TMEFF1: variants seen among roughly 807,000 people sequenced by gnomAD.
TMEFF1 encodes the protein transmembrane protein with EGF like and two follistatin like domains 1.
Under a neutral mutation model 47.5 loss-of-function variants are expected in TMEFF1, and 20 were observed. The ratio of observed to expected loss-of-function variants is 0.42; its 90% CI spans 0.30 to 0.61. The LOEUF is 0.61. Among genes scored for constraint, TMEFF1 ranks in the 20% least tolerant of loss-of-function variants. TMEFF1 has a pLI of 0.19. For synonymous variants in TMEFF1, 162 were observed against 166.3 expected, an observed-to-expected ratio of 0.97 and a Z score of 0.20; for missense variants, 411 against 471.1, an observed-to-expected ratio of 0.87 and a Z score of 1.18.
intron 8 of TMEFF1, among the ~76,000 whole-genome samples, chr9:100,566,468 T>A (rs572687361): frequency 1.4e-4 from 21 of 152,296 alleles, no homozygotes; most frequent in African/African-American, 4.6e-4. Context: ...CAACTCCATC[T>A]TTTCAGTTGC....
chr9:100,576,616 A>G lies in TMEFF1; in HGVS notation c.*16A>G, dbSNP rs1839358959. 2.5e-6 allele frequency: 4 copies of G among 1,601,302 alleles called. No individual in the cohort carries two copies. The highest frequency in any genetic ancestry group is 2.3e-5 in the South Asian group (2 of 88,032). ...AATGGTTTAAACTGATGACTTTTAT[A>G]TGTACACTGACCATGTGATGTACAT... On this transcript the variant is annotated 3_prime_UTR_variant, in exon 10 of 10. Coordinates refer to ENST00000374879, the MANE Select transcript of TMEFF1 (RefSeq NM_003692.5).
intron 5 of TMEFF1, among the ~76,000 whole-genome samples, chr9:100,539,375 G>T (rs938406867): frequency 6.6e-6 from 1 of 152,224 alleles, no homozygotes; most frequent in African/African-American, 2.4e-5. Flanking sequence ...GAATGAAGCT[G>T]TGGACCCTCG....
rs1345559995 is a variant in TMEFF1, at chr9:100,473,657, G to A, written c.113G>A (p.Arg38His). ...TTCGCCTTCTCTCTGCCCGGGAGCC[G>A]CGCGTCCAACCAGCCCCCGGGTGGT... ...LLFAFSLPGS[R>H]ASNQPPGGGG... The change falls in exon 1 of 10, where the codon CGC becomes CAC. Residue 38 changes from arginine (R) to histidine (H), a missense_variant. By Grantham distance (29) the Arg-to-His change is conservative (BLOSUM62 0). Coordinates refer to ENST00000374879, the MANE Select transcript of TMEFF1 (RefSeq NM_003692.5). The surrounding 1 kb of genome is among the most constrained non-coding windows in gnomAD (Gnocchi z 5.4). 5.8e-6 allele frequency: 9 copies of A among 1,547,968 alleles called. No individual in the cohort carries two copies. The highest frequency in any genetic ancestry group is 7.8e-6 in the Non-Finnish European group (9 of 1,146,548).
intron 7 of TMEFF1, among the ~76,000 whole-genome samples, chr9:100,550,941 TG>T (rs1357629847): frequency 1.3e-5 from 2 of 152,268 alleles, no homozygotes; most frequent in Admixed American, 6.5e-5. Context: ...CTGCTCTTTT[TG>T]CTTGTTTTCA....
chr9:100,515,151 A>C (rs987914916), intron 4 of TMEFF1, among the ~76,000 whole-genome samples: 1 of 152,116 alleles, frequency 6.6e-6, no homozygotes, highest in African/African-American at 2.4e-5. Flanking sequence ...AAACAAAACA[A>C]AACAAAAAAT....
intron 5 of TMEFF1, among the ~76,000 whole-genome samples, chr9:100,533,191 AACTAACCTGCACAATGTGCACAT>A (rs1370324961): frequency 6.6e-6 from 1 of 152,022 alleles, no homozygotes; most frequent in East Asian, 1.9e-4. Flanking sequence ...ATACATATGC[AACTAACCTGCACAATGTGCACAT>A]GTACCGTAGA....
At chr9:100,479,833 T>C (rs976509576) in intron 1 of TMEFF1, among the ~76,000 whole-genome samples, 1 of 152,244 alleles carries the variant, frequency 6.6e-6, no homozygotes, top group African/African-American at 2.4e-5. Flanking sequence ...GTAACATTCA[T>C]GGACAAGTTT....
intron 2 of TMEFF1, among the ~76,000 whole-genome samples, chr9:100,507,409 G>A (rs1215040305): frequency 1.3e-5 from 2 of 152,160 alleles, no homozygotes; most frequent in African/African-American, 4.8e-5. Flanking sequence ...TGGTAGTTCT[G>A]TTTTAAGTTC....
chr9:100,539,468 C>A (rs1368403342), intron 5 of TMEFF1, among the ~76,000 whole-genome samples: 1 of 152,114 alleles, frequency 6.6e-6, no homozygotes, highest in Non-Finnish European at 1.5e-5. Flanking sequence ...TTTCTTCCTT[C>A]TGGTGGGTTC....
intron 3 of TMEFF1, among the ~76,000 whole-genome samples, chr9:100,509,775 G>GA (rs768756484): frequency 0.2 from 20,515 of 100,362 alleles, 1,677 homozygotes; most frequent in Middle Eastern, 0.3. Flanking sequence ...CTCCATCTCA[G>GA]AAAAAAAAAA....
At chr9:100,490,836 G>GGTGTGTGTGTGTGTGTGT (rs10654628) in intron 1 of TMEFF1, among the ~76,000 whole-genome samples, 34 of 136,088 alleles carry the variant, frequency 2.5e-4, no homozygotes, top group Middle Eastern at 3.6e-3. Context: ...TTATATGTAT[G>GGTGTGTGTGTGTGTGTGT]GTGTGTGTGT....
intron 5 of TMEFF1, among the ~76,000 whole-genome samples, chr9:100,535,472 A>G (rs1319540282): frequency 1.3e-5 from 2 of 152,212 alleles, no homozygotes; most frequent in African/African-American, 4.8e-5. Flanking sequence ...ATAGGAATGT[A>G]CCAGAAAATC....
intron 1 of TMEFF1, among the ~76,000 whole-genome samples, chr9:100,483,708 C>G (rs1325489958): frequency 6.6e-6 from 1 of 152,050 alleles, no homozygotes; most frequent in Non-Finnish European, 1.5e-5. Flanking sequence ...CACCCAGATT[C>G]CCCAATTAAG....
At chr9:100,545,508 A>C (rs1190749264) in intron 5 of TMEFF1, among the ~76,000 whole-genome samples, 1 of 152,174 alleles carries the variant, frequency 6.6e-6, no homozygotes, top group East Asian at 1.9e-4. Context: ...CTACCCAGGA[A>C]ACCATGTTTT....
intron 5 of TMEFF1, among the ~76,000 whole-genome samples, chr9:100,522,427 C>CTTTTT (rs1838178525): frequency 1.0e-5 from 1 of 95,384 alleles, no homozygotes; most frequent in Non-Finnish European, 2.4e-5. Context: ...CCAGAAATAT[C>CTTTTT]TTCTTTTTTT....
In TMEFF1 at chr9:100,550,226, A is replaced by G. The variant is rs546152523; in HGVS notation, c.775+66A>G. ...AATACGGTCACTAGCTGTCCTTATTAGTTCTGTTTCCATTATAACAACACC... is the reference window on the plus strand; with the variant it reads ...AATACGGTCACTAGCTGTCCTTATTGGTTCTGTTTCCATTATAACAACACC... On this transcript the variant is annotated intron_variant, in intron 7 of 9. Coordinates refer to ENST00000374879, the MANE Select transcript of TMEFF1 (RefSeq NM_003692.5). 8.6e-4 allele frequency: 1,307 copies of G among 1,521,118 alleles called. 20 individuals are homozygous for G. The South Asian group carries it at 0.015, about 18-fold the overall frequency. The allele number at this position is 1,521,118 out of a possible 1,614,324, so 94.2% of individuals were successfully genotyped here.
Position 100,491,878 on chromosome 9 carries a change from T to C in TMEFF1, c.197-6887T>C, listed in dbSNP as rs1837557379. ...ATAATTTTTCTTTGAGAATAGTTTC[T>C]TTCCTTTTTTTTTTTTTTTTGAGAC... On this transcript the variant is annotated intron_variant, in intron 1 of 9. Transcript: ENST00000374879. Among the ~76,000 whole-genome samples the C allele has an allele frequency of 3.3e-5, 5 of 151,206 alleles. No homozygotes were observed. The South Asian group carries it at 1.1e-3, about 32-fold the overall frequency.
chr9:100,486,697 A>G (rs1837456462), intron 1 of TMEFF1, among the ~76,000 whole-genome samples: 1 of 152,160 alleles, frequency 6.6e-6, no homozygotes, highest in Non-Finnish European at 1.5e-5. Flanking sequence ...GTGCAGTGGC[A>G]TGATGGCTTA....
At chr9:100,554,142 C>T (rs1399612972) in intron 7 of TMEFF1, among the ~76,000 whole-genome samples, 1 of 152,190 alleles carries the variant, frequency 6.6e-6, no homozygotes, top group African/African-American at 2.4e-5. Flanking sequence ...GTCTCTCCTC[C>T]TGCAGCTGGC....
Sources: gnomAD v4.1 joint callset for allele counts (sites outside exome capture counted in the v4.1 genomes callset) on GRCh38, gnomAD v4.1.1 for gene constraint, Gnocchi (gnomAD v3.1) non-coding constraint, MANE v1.5 for transcripts, NCBI Gene and HGNC (gene_info 2026-07-23, HGNC 2026-07-21) for gene names.